Variants in CTNNBL1 observed in about 807,000 individuals in gnomAD.
The protein encoded by CTNNBL1 is catenin beta like 1.
CTNNBL1 carries 31 observed loss-of-function variants against 72.7 expected under a neutral mutation model. The ratio of observed to expected loss-of-function variants is 0.43; its 90% CI spans 0.32 to 0.58. The LOEUF (loss-of-function observed/expected upper bound fraction) is 0.58. Ranked by LOEUF, CTNNBL1 falls within the 20% of genes least tolerant of loss-of-function variation. CTNNBL1 has a pLI of 0.08. For missense variants in CTNNBL1, 534 were observed against 725.1 expected (o/e 0.74, Z 3.03); for synonymous variants, 240 against 267.3 (o/e 0.90, Z 1.00).
In CTNNBL1 at chr20:37,694,280, G is replaced by A. The variant is rs193016367; in HGVS notation, c.30+128G>A. ...CCTCTAACTTCTCATGCCACCCGGG[G>A]TCTCAGCCCCTCGTTTTACTTTGCT... On this transcript the variant is annotated intron_variant, in intron 1 of 15. Transcript: ENST00000361383. 102 of 775,692 alleles carry A rather than the reference G, an allele frequency of 1.3e-4. No homozygotes were observed. The African/African-American group carries it at 1.6e-3, about 12-fold the overall frequency. The allele number at this position is 775,692 out of a possible 1,614,324, so 48.1% of individuals were successfully genotyped here.
At chr20:37,866,737 C>G in intron 15 of CTNNBL1, among the ~76,000 whole-genome samples, 1 of 152,114 alleles carries the variant, frequency 6.6e-6, no homozygotes, top group Non-Finnish European at 1.5e-5. Flanking sequence ...AAAAAAACAC[C>G]TAAAATAAAT....
Position 37,840,211 on chromosome 20 carries a change from T to C in CTNNBL1, c.1311+12T>C. ...ATGACAGTGAGAAGGTGGGTGACTG[T>C]TGGACTGTAAAGCTGGGACCGGGAC... is the stretch of plus-strand genomic sequence containing the variant. On this transcript the variant is annotated intron_variant, in intron 12 of 15. Coordinates refer to ENST00000361383, the MANE Select transcript of CTNNBL1 (RefSeq NM_030877.5). 1 of 1,591,024 alleles carries C rather than the reference T, an allele frequency of 6.3e-7. No individual in the cohort carries two copies. The highest frequency in any genetic ancestry group is 8.6e-7 in the Non-Finnish European group (1 of 1,159,814).
At chr20:37,757,707 T>C in intron 5 of CTNNBL1, 51 bp downstream of exon 5, 1 of 1,380,974 alleles carries the variant, frequency 7.2e-7, no homozygotes. Flanking sequence ...GTTGTTGGCA[T>C]TGCCACCACC....
chr20:37,694,071 C>A lies in CTNNBL1; in HGVS notation c.-52C>A. On this transcript the variant is annotated 5_prime_UTR_variant, in exon 1 of 16. Coordinates refer to ENST00000361383, the MANE Select transcript of CTNNBL1 (RefSeq NM_030877.5). ...TGGCTGGAGCCGCGGCTGACGGGCC[C>A]GCGGTCTGGGCGTGAGTGCAGGGAA... The A allele has an allele frequency of 1.3e-6, 2 of 1,586,998 alleles. No homozygotes were observed. Among genetic ancestry groups the A allele is most frequent in the Non-Finnish European group, 1.7e-6 (2 of 1,168,226 alleles).
At chr20:37,871,875 G>A in intron 15 of CTNNBL1, 50 bp from the exon 16 acceptor site, 1 of 1,526,892 alleles carries the variant, frequency 6.5e-7, no homozygotes, top group South Asian at 1.1e-5. Context: ...CGCAGCCACG[G>A]TGGATGCCAT....
chr20:37,755,250 A>C (rs2073354220), intron 4 of CTNNBL1, among the ~76,000 whole-genome samples: 2 of 152,208 alleles, frequency 1.3e-5, no homozygotes, highest in African/African-American at 4.8e-5. Flanking sequence ...TATTATGACA[A>C]CTTTTAATTT....
At chr20:37,862,529 G>T (rs1008953356) in intron 15 of CTNNBL1, among the ~76,000 whole-genome samples, 3 of 152,070 alleles carry the variant, frequency 2.0e-5, no homozygotes, top group African/African-American at 7.3e-5. Context: ...TGTCTCCCTC[G>T]GATCCTGGTT....
At chr20:37,718,674 C>T (rs757037332) in intron 1 of CTNNBL1, among the ~76,000 whole-genome samples, 10 of 152,240 alleles carry the variant, frequency 6.6e-5, no homozygotes, top group Non-Finnish European at 1.5e-4. Flanking sequence ...GAATTTCTTA[C>T]TGAAATCTCC....
intron 1 of CTNNBL1, among the ~76,000 whole-genome samples, chr20:37,721,905 C>T (rs761548118): frequency 2.0e-5 from 3 of 152,316 alleles, no homozygotes; most frequent in South Asian, 4.1e-4. Flanking sequence ...ATATATGCAT[C>T]AGTGGTATCA....
At chr20:37,703,973 C>T (rs2072865207) in intron 1 of CTNNBL1, among the ~76,000 whole-genome samples, 1 of 152,000 alleles carries the variant, frequency 6.6e-6, no homozygotes, top group Non-Finnish European at 1.5e-5. Context: ...AACGGGGTTT[C>T]TCCGTGTTGG....
intron 6 of CTNNBL1, among the ~76,000 whole-genome samples, chr20:37,766,553 A>G (rs2073470534): frequency 1.3e-5 from 2 of 152,206 alleles, no homozygotes; most frequent in Admixed American, 1.3e-4. Flanking sequence ...CACTGTGGGA[A>G]TGAAGAGGAA....
intron 13 of CTNNBL1, among the ~76,000 whole-genome samples, chr20:37,846,265 G>T (rs1458770776): frequency 3.9e-5 from 6 of 152,118 alleles, no homozygotes; most frequent in Admixed American, 3.9e-4. Context: ...TTCCAGCCTG[G>T]AGTGAAACAG....
chr20:37,866,087 G>A (rs2072534535), intron 15 of CTNNBL1, among the ~76,000 whole-genome samples: 1 of 152,262 alleles, frequency 6.6e-6, no homozygotes, highest in Non-Finnish European at 1.5e-5. Context: ...TGGATACGGT[G>A]TCCCACAGGG....
At chr20:37,767,450 A>G (rs552857516) in intron 6 of CTNNBL1, among the ~76,000 whole-genome samples, 4 of 152,296 alleles carry the variant, frequency 2.6e-5, no homozygotes, top group African/African-American at 9.6e-5. Flanking sequence ...ATTTTGTTCA[A>G]TTAAAAAGAC....
rs559870911 is a variant in CTNNBL1 at position 37,848,950 on chromosome 20, G to A, written c.1392+6531G>A. ...TTAGCGAGTCCAAAACCAGGCTTGC[G>A]GCCCTAGCCCTGTATAATCTCTTCC... On this transcript the variant is annotated intron_variant, in intron 13 of 15. Transcript: ENST00000361383. Among the ~76,000 whole-genome samples, 5 of 152,254 alleles carry A rather than the reference G, an allele frequency of 3.3e-5. No individual in the cohort carries two copies. The East Asian group carries it at 9.7e-4, about 29-fold the overall frequency.
At chr20:37,842,252 C>T (rs544434179) in intron 12 of CTNNBL1, 87 bp from the exon 13 acceptor site, 147 of 916,114 alleles carry the variant, frequency 1.6e-4, no homozygotes, top group South Asian at 7.1e-4. Context: ...TGTAAGGGAG[C>T]GACAGTGAGA....
intron 11 of CTNNBL1, among the ~76,000 whole-genome samples, chr20:37,808,532 G>A (rs1243707564): frequency 6.6e-6 from 1 of 152,190 alleles, no homozygotes; most frequent in Non-Finnish European, 1.5e-5. Flanking sequence ...TGGAGACAAG[G>A]AACAGAATAC....
chr20:37,748,131 G>T (rs756089699), intron 4 of CTNNBL1, among the ~76,000 whole-genome samples: 30 of 152,312 alleles, frequency 2.0e-4, no homozygotes, highest in Middle Eastern at 3.4e-3. Context: ...CTGCTTGAGT[G>T]ATATTCACAG....
rs1018216852 is a variant in CTNNBL1, at chr20:37,769,031, G to A, written c.750+987G>A. Among the ~76,000 whole-genome samples, 28 of 152,120 alleles carry A rather than the reference G, an allele frequency of 1.8e-4. 1 individual carries two copies. Among genetic ancestry groups the A allele is most frequent in the Non-Finnish European group, 1.5e-5 (1 of 68,014 alleles). ...TGATCTCAAGTGATCCACCCGCCTT[G>A]GTCTCCCAGAGTGCTGGGATTACAG... is the stretch of plus-strand genomic sequence containing the variant. On this transcript the variant is annotated intron_variant, in intron 7 of 15. Coordinates refer to ENST00000361383, the MANE Select transcript of CTNNBL1 (RefSeq NM_030877.5).
Sources: gnomAD v4.1 joint callset for allele counts (sites outside exome capture counted in the v4.1 genomes callset) on GRCh38, gnomAD v4.1.1 for gene constraint, MANE v1.5 for transcripts, NCBI Gene and HGNC (gene_info 2026-07-23, HGNC 2026-07-21) for gene names.